The following ABHD12 variants were observed in gnomAD, a reference collection of about 807,000 sequenced individuals.
ABHD12 encodes lysophosphatidylserine lipase ABHD12.
Under a neutral mutation model 58.3 loss-of-function variants are expected in ABHD12, and 43 were observed. The observed-to-expected ratio is 0.74, with a 90% CI of 0.58 to 0.95. The LOEUF is 0.95. Ranked by LOEUF, ABHD12 falls within the 40% of genes least tolerant of loss-of-function variation. The pLI is 0.00. For missense variants in ABHD12, 539 were observed against 537.2 expected (o/e 1.00, Z -0.03); for synonymous variants, 219 against 211.2 (o/e 1.04, Z -0.32).
intron 1 of ABHD12, among the ~76,000 whole-genome samples, chr20:25,367,416 C>T (rs369612733): frequency 2.0e-5 from 3 of 152,158 alleles, no homozygotes; most frequent in African/African-American, 4.8e-5. Flanking sequence ...TTTTTTTACA[C>T]GTAACAAAAT....
At chr20:25,357,348 A>G (rs1042400777) in intron 1 of ABHD12, among the ~76,000 whole-genome samples, 1 of 152,204 alleles carries the variant, frequency 6.6e-6, no homozygotes, top group African/African-American at 2.4e-5. Flanking sequence ...TGTCTGCAAC[A>G]AAACATTTAT....
At chr20:25,333,780 A>G (rs569946008) in intron 2 of ABHD12, among the ~76,000 whole-genome samples, 8 of 152,060 alleles carry the variant, frequency 5.3e-5, no homozygotes, top group Admixed American at 4.6e-4. Context: ...AAAACTCTCA[A>G]TAAATTCGGT....
chr20:25,328,348 G>A (rs914933629), intron 2 of ABHD12, among the ~76,000 whole-genome samples: 2 of 152,154 alleles, frequency 1.3e-5, no homozygotes, highest in Non-Finnish European at 2.9e-5. Context: ...TGACAGCTGG[G>A]AGCGGGGGTA....
chr20:25,297,158 T>C (rs199918488), downstream of ABHD12: 4 of 152,762 alleles, frequency 2.6e-5, no homozygotes, highest in Non-Finnish European at 5.8e-5. Context: ...CAATGGGCAT[T>C]GTGTGGGTGC....
At chr20:25,312,895 C>T (rs549487515) in intron 6 of ABHD12, among the ~76,000 whole-genome samples, 1 of 149,482 alleles carries the variant, frequency 6.7e-6, no homozygotes, top group Non-Finnish European at 1.5e-5. Context: ...GTGCGGAGCC[C>T]CTCCGCCCGG....
intron 2 of ABHD12, among the ~76,000 whole-genome samples, chr20:25,328,200 G>A (rs1008906705): frequency 6.6e-6 from 1 of 152,186 alleles, no homozygotes; most frequent in African/African-American, 2.4e-5. Context: ...TGCCTGGAAA[G>A]TGGGTCCACT....
chr20:25,372,673 C>T (rs1344949595), intron 1 of ABHD12, among the ~76,000 whole-genome samples: 1 of 152,218 alleles, frequency 6.6e-6, no homozygotes, highest in Non-Finnish European at 1.5e-5. Context: ...TTTCAGCCAA[C>T]AGTGGACCAC....
At chr20:25,296,620 T>TCA, downstream of ABHD12, 1 of 1,443,510 alleles carries the variant, frequency 6.9e-7, no homozygotes, top group Non-Finnish European at 9.3e-7. Context: ...TGGTGGTCCC[T>TCA]GCTTTTCTGA....
chr20:25,362,681 CGTT>C (rs2089767922), intron 1 of ABHD12, among the ~76,000 whole-genome samples: 1 of 147,208 alleles, frequency 6.8e-6, no homozygotes, highest in Non-Finnish European at 1.5e-5. Context: ...TTTTTTTTGT[CGTT>C]GTTTTTTGAG....
chr20:25,296,573 T>A, downstream of ABHD12: 1 of 1,567,998 alleles, frequency 6.4e-7, no homozygotes, highest in Non-Finnish European at 8.6e-7. Flanking sequence ...TTGCTGACTT[T>A]GCACCTCCTT....
chr20:25,371,433 T>C (rs2089899064), intron 1 of ABHD12, among the ~76,000 whole-genome samples: 1 of 152,194 alleles, frequency 6.6e-6, no homozygotes, highest in Non-Finnish European at 1.5e-5. Flanking sequence ...TTAGTAACCA[T>C]CTTGACTGCT....
chr20:25,360,072 A>G (rs1174470828), intron 1 of ABHD12, among the ~76,000 whole-genome samples: 3 of 151,424 alleles, frequency 2.0e-5, no homozygotes, highest in African/African-American at 7.3e-5. Context: ...GAGTGGGTAA[A>G]TATTCTTTTT....
intron 1 of ABHD12, among the ~76,000 whole-genome samples, chr20:25,344,130 A>G (rs1303658551): frequency 6.6e-6 from 1 of 152,244 alleles, no homozygotes; most frequent in African/African-American, 2.4e-5. Context: ...CAACTTGATA[A>G]TATCTACAAA....
chr20:25,298,958 G>A (rs952464018), downstream of ABHD12, among the ~76,000 whole-genome samples: 1 of 152,178 alleles, frequency 6.6e-6, no homozygotes, highest in African/African-American at 2.4e-5. Flanking sequence ...TCTGTGGGGT[G>A]CCCTCCCAGG....
rs2089532866 is a variant in ABHD12, at chr20:25,347,332, T to C, written c.192-7981A>G. On this transcript the variant is annotated intron_variant, in intron 1 of 12. Transcript: ENST00000339157. The stretch of plus-strand genomic sequence containing the variant: ...TACTCCCCAGCACCCTTCTCTCTCC[T>C]GGACTGCAACCATTATCTGTCTTTA... 3.3e-5 allele frequency among the ~76,000 whole-genome samples: 5 copies of C among 152,326 alleles called. No homozygotes were observed. In the South Asian group the frequency reaches 1.0e-3, roughly 32 times the overall value.
chr20:25,360,226 A>ATTTTTTT (rs2089726267), intron 1 of ABHD12, among the ~76,000 whole-genome samples: 1 of 27,758 alleles, frequency 3.6e-5, no homozygotes, highest in Non-Finnish European at 7.5e-5. Context: ...TGAACACGTT[A>ATTTTTTT]CTTTTTTTTT....
intron 1 of ABHD12, among the ~76,000 whole-genome samples, chr20:25,353,287 T>C (rs767040208): frequency 5.1e-4 from 78 of 151,556 alleles, no homozygotes; most frequent in Non-Finnish European, 5.3e-4. Context: ...CTGGCAAACA[T>C]GCCATGTTTA....
chr20:25,346,305 C>A (rs1451388826), intron 1 of ABHD12, among the ~76,000 whole-genome samples: 1 of 152,174 alleles, frequency 6.6e-6, no homozygotes, highest in East Asian at 1.9e-4. Context: ...GATTAGTGGT[C>A]ATCCAGGGAT....
intron 12 of ABHD12, among the ~76,000 whole-genome samples, chr20:25,301,444 TC>T (rs1334061986): frequency 1.4e-5 from 2 of 142,212 alleles, no homozygotes; most frequent in African/African-American, 2.5e-5. Context: ...AACAAAAAAC[TC>T]TATCACCATT....
Sources: allele counts gnomAD v4.1 joint callset (sites outside exome capture counted in the v4.1 genomes callset), GRCh38; gene constraint gnomAD v4.1.1; transcripts MANE v1.5; gene names NCBI Gene and HGNC (gene_info 2026-07-23, HGNC 2026-07-21).